Variants in KIAA0319 observed in about 807,000 individuals in gnomAD.
KIAA0319 encodes KIAA0319.
A neutral mutation model predicts 108.4 loss-of-function variants in KIAA0319; 83 were observed. The ratio of observed to expected loss-of-function variants is 0.77; its 90% CI spans 0.64 to 0.92. The LOEUF is 0.92. Among genes scored for constraint, KIAA0319 ranks in the 40% least tolerant of loss-of-function variants. The pLI, the probability that KIAA0319 is intolerant of heterozygous loss-of-function variation, is 0.00. For synonymous variants in KIAA0319, 484 were observed against 510.4 expected, an observed-to-expected ratio of 0.95 and a Z score of 0.70; for missense variants, 1,195 against 1,322.4, an observed-to-expected ratio of 0.90 and a Z score of 1.49.
intron 4 of KIAA0319, among the ~76,000 whole-genome samples, chr6:24,584,183 T>C (rs939317339): frequency 6.6e-6 from 1 of 152,094 alleles, no homozygotes; most frequent in Non-Finnish European, 1.5e-5. Flanking sequence ...TTGGAACCTT[T>C]CCAAGACAAA....
intron 2 of KIAA0319, among the ~76,000 whole-genome samples, chr6:24,597,565 G>T (rs1769849014): frequency 6.6e-6 from 1 of 152,142 alleles, no homozygotes; most frequent in Admixed American, 6.5e-5. Context: ...TTCTTCATTT[G>T]GTCCAAGTTG....
Position 24,578,205 on chromosome 6 carries a change from C to T in KIAA0319, c.1410G>A (p.Trp470Ter), listed in dbSNP as rs763975612. 2 of 1,606,028 alleles carry T rather than the reference C, an allele frequency of 1.2e-6. No individual in the cohort carries two copies. Among genetic ancestry groups the T allele is most frequent in the East Asian group, 2.2e-5 (1 of 44,800 alleles). Residue 470 changes from tryptophan to a stop codon, truncating the protein, a stop_gained, in exon 9 of 21, where the codon TGG becomes TGA. Coordinates refer to ENST00000378214, the MANE Select transcript of KIAA0319 (RefSeq NM_014809.4). LOFTEE classifies it high-confidence loss of function. ...TDDTEIVSYH[W>*]EEINGPFIEE... The stretch of plus-strand genomic sequence containing the variant: ...CTATGAAGGGCCCGTTTATTTCTTC[C>T]CAATGATAACTCACTATTTCAGTAT...
intron 1 of KIAA0319, among the ~76,000 whole-genome samples, chr6:24,640,315 G>A (rs904919192): frequency 2.6e-5 from 4 of 152,182 alleles, no homozygotes; most frequent in Admixed American, 2.6e-4. Context: ...CATTAGGGAA[G>A]CCTTCAACAA....
chr6:24,547,991 T>C (rs1320250710), intron 20 of KIAA0319, among the ~76,000 whole-genome samples: 1 of 152,098 alleles, frequency 6.6e-6, no homozygotes, highest in Non-Finnish European at 1.5e-5. Context: ...TATGATCGTG[T>C]TGCTATGCTC....
chr6:24,557,101 G>A (rs2760170), intron 17 of KIAA0319, among the ~76,000 whole-genome samples: 44,285 of 151,652 alleles, frequency 0.29, 7,694 homozygotes, highest in African/African-American at 0.49. Flanking sequence ...GCTACTCAGG[G>A]GGCTGAAGCA....
downstream of KIAA0319, among the ~76,000 whole-genome samples, chr6:24,542,409 T>C (rs1421182229): frequency 6.6e-6 from 1 of 152,084 alleles, no homozygotes; most frequent in East Asian, 1.9e-4. Context: ...TAAATCCCCA[T>C]TGGTTAACTA....
chr6:24,564,442 G>T (rs894611834), intron 14 of KIAA0319, 102 bp from the exon 15 acceptor site: 4 of 1,463,140 alleles, frequency 2.7e-6, no homozygotes, highest in Non-Finnish European at 3.8e-6. Context: ...TTTAACACAG[G>T]CGTGACTTTA....
At chr6:24,570,537 A>G (rs1156877668) in intron 11 of KIAA0319, among the ~76,000 whole-genome samples, 7 of 151,670 alleles carry the variant, frequency 4.6e-5, no homozygotes, top group Non-Finnish European at 8.8e-5. Flanking sequence ...GCAGTGAGCC[A>G]AGATTGTGCC....
At chr6:24,547,393 CAGCTGTCA>C in intron 20 of KIAA0319, 50 bp from the exon 21 acceptor site, 1 of 1,525,054 alleles carries the variant, frequency 6.6e-7, no homozygotes, top group Non-Finnish European at 9.0e-7. Context: ...GATTCACTTC[CAGCTGTCA>C]GTCGTTGTGG....
At chr6:24,547,530 G>C (rs886855774) in intron 20 of KIAA0319, among the ~76,000 whole-genome samples, 187 bp from the exon 21 acceptor site, 4 of 152,166 alleles carry the variant, frequency 2.6e-5, no homozygotes, top group Non-Finnish European at 4.4e-5. Flanking sequence ...TGCCTCACCC[G>C]AGCTTCTGTC....
intron 2 of KIAA0319, 56 bp from the exon 3 acceptor site, chr6:24,596,674 C>G: frequency 5.3e-6 from 8 of 1,499,638 alleles, no homozygotes; most frequent in Non-Finnish European, 7.2e-6. Context: ...GGAAGCACCT[C>G]CAGCTTAAGA....
At chr6:24,561,797 G>A (rs1763139838) in intron 16 of KIAA0319, among the ~76,000 whole-genome samples, 1 of 152,104 alleles carries the variant, frequency 6.6e-6, no homozygotes. Context: ...CTGCCTCCTA[G>A]GTTCAAGCAA....
intron 16 of KIAA0319, among the ~76,000 whole-genome samples, chr6:24,560,264 A>G (rs1301060893): frequency 6.6e-6 from 1 of 152,190 alleles, no homozygotes; most frequent in Non-Finnish European, 1.5e-5. Flanking sequence ...TGCTTAGCAT[A>G]TTGAGGAACT....
intron 17 of KIAA0319, among the ~76,000 whole-genome samples, chr6:24,557,787 C>T (rs1020304310): frequency 7.3e-5 from 10 of 136,196 alleles, no homozygotes; most frequent in Non-Finnish European, 1.5e-4. Context: ...GAGACAAGGT[C>T]TTGTTGCTAT....
At chr6:24,583,204 G>A (rs1766892520) in intron 5 of KIAA0319, 10 of 988,688 alleles carry the variant, frequency 1.0e-5, no homozygotes, top group Non-Finnish European at 8.4e-6. Flanking sequence ...CCTGAGAGCC[G>A]TGATTGTCAA....
intron 3 of KIAA0319, among the ~76,000 whole-genome samples, chr6:24,594,740 ACTTATTC>A (rs1487132240): frequency 1.3e-5 from 2 of 152,122 alleles, no homozygotes; most frequent in Non-Finnish European, 2.9e-5. Flanking sequence ...AGCATTCCTC[ACTTATTC>A]TAACATAAGT....
In KIAA0319 at chr6:24,607,239, C is replaced by G. The variant is rs535164922; in HGVS notation, c.-105-6031G>C. ...GGCATGGTGGCACATGCCTGTAATC[C>G]CAGCTACTTGAGAGGCTGAGGTGGG... On this transcript the variant is annotated intron_variant, in intron 1 of 20. Coordinates refer to ENST00000378214, the MANE Select transcript of KIAA0319 (RefSeq NM_014809.4). 3.3e-5 allele frequency among the ~76,000 whole-genome samples: 5 copies of G among 152,240 alleles called. No homozygotes were observed. In the East Asian group the frequency reaches 9.6e-4, roughly 29 times the overall value.
intron 1 of KIAA0319, among the ~76,000 whole-genome samples, chr6:24,626,522 A>C (rs965197947): frequency 6.6e-6 from 1 of 152,016 alleles, no homozygotes; most frequent in Non-Finnish European, 1.5e-5. Context: ...ACAGAGCAAG[A>C]CTCGCTCTCA....
At position 24,546,557 on chromosome 6, in the gene KIAA0319, C is replaced by A. The variant is rs929875027; in HGVS notation, c.*608G>T. 9.2e-5 allele frequency: 14 copies of A among 152,440 alleles called. No individual in the cohort carries two copies. The highest frequency in any genetic ancestry group is 6.5e-4 in the Admixed American group (10 of 15,304). 9.4% of individuals were successfully genotyped at this position (152,440 alleles called of 1,614,324 possible). On this transcript the variant is annotated 3_prime_UTR_variant, in exon 21 of 21. Coordinates refer to ENST00000378214, the MANE Select transcript of KIAA0319 (RefSeq NM_014809.4). ...TCTTCCTTAGCTCTTGAATGGCCAA[C>A]AGCTGCTTTCTTGAGAGAGATGAAA... is the stretch of plus-strand genomic sequence containing the variant.
Sources: gnomAD v4.1 joint callset for allele counts (sites outside exome capture counted in the v4.1 genomes callset) on GRCh38, gnomAD v4.1.1 for gene constraint, MANE v1.5 for transcripts, NCBI Gene and HGNC (gene_info 2026-07-23, HGNC 2026-07-21) for gene names.